The following QTMAN variants were observed in gnomAD, a reference collection of about 807,000 sequenced individuals.
QTMAN encodes tRNA-queuosine alpha-mannosyltransferase.
At chr2:144,032,411 C>T in the QTMAN span, among the ~76,000 whole-genome samples, 4 of 152,304 alleles carry the variant, frequency 2.6e-5, no homozygotes, top group African/African-American at 9.6e-5. Context: ...AATAGTAGTG[C>T]TATTGTTAAG....
chr2:144,064,032 T>A, the QTMAN span, among the ~76,000 whole-genome samples: 2 of 152,200 alleles, frequency 1.3e-5, no homozygotes, highest in Non-Finnish European at 2.9e-5. Context: ...ACTAATTCAG[T>A]AAAAGAGTCC....
At chr2:143,999,267 G>A in the QTMAN span, among the ~76,000 whole-genome samples, 1 of 152,010 alleles carries the variant, frequency 6.6e-6, no homozygotes, top group Non-Finnish European at 1.5e-5. Flanking sequence ...GACATTCACA[G>A]TCAGGGGGAT....
the QTMAN span, among the ~76,000 whole-genome samples, chr2:144,079,803 T>C: frequency 1.3e-5 from 2 of 152,144 alleles, no homozygotes; most frequent in Non-Finnish European, 2.9e-5. Context: ...TAATTGCATA[T>C]TACATAGACT....
the QTMAN span, among the ~76,000 whole-genome samples, chr2:144,090,719 T>A: frequency 6.6e-6 from 1 of 152,156 alleles, no homozygotes; most frequent in South Asian, 2.1e-4. Context: ...TGGAAATATA[T>A]AGTATATTCA....
At chr2:143,997,372 A>G in the QTMAN span, among the ~76,000 whole-genome samples, 1 of 152,164 alleles carries the variant, frequency 6.6e-6, no homozygotes, top group Admixed American at 6.5e-5. Flanking sequence ...CTTTCTGCAA[A>G]TAGAATGTTT....
the QTMAN span, among the ~76,000 whole-genome samples, chr2:144,124,909 T>C: frequency 2.6e-5 from 4 of 152,162 alleles, no homozygotes; most frequent in Admixed American, 2.6e-4. Flanking sequence ...CAATGTTCTT[T>C]TCCCCTAAAC....
At chr2:144,137,231 C>T in the QTMAN span, among the ~76,000 whole-genome samples, 1 of 152,096 alleles carries the variant, frequency 6.6e-6, no homozygotes, top group Non-Finnish European at 1.5e-5. Context: ...TAAAATGAAA[C>T]TTACTGATTA....
chr2:144,005,578 T>C, the QTMAN span, among the ~76,000 whole-genome samples: 6 of 152,258 alleles, frequency 3.9e-5, no homozygotes, highest in East Asian at 1.2e-3. Flanking sequence ...GTTACTTTTA[T>C]ATTTTGGCAT....
At chr2:144,171,858 T>A in the QTMAN span, among the ~76,000 whole-genome samples, 3 of 152,252 alleles carry the variant, frequency 2.0e-5, no homozygotes, top group Admixed American at 2.0e-4. Context: ...AAACTTGGAA[T>A]TTCCTAAAAT....
At chr2:144,216,613 C>T in the QTMAN span, among the ~76,000 whole-genome samples, 75 of 152,148 alleles carry the variant, frequency 4.9e-4, no homozygotes, top group Non-Finnish European at 1.3e-4. Flanking sequence ...CTTTCAAATA[C>T]TGATTCTTTT....
the QTMAN span, chr2:143,947,040 T>C: frequency 2.5e-5 from 39 of 1,584,588 alleles, no homozygotes; most frequent in Non-Finnish European, 3.4e-5. Flanking sequence ...GTTTGTGACT[T>C]AGCCCCATCT....
At chr2:144,187,059 A>G in the QTMAN span, among the ~76,000 whole-genome samples, 1 of 152,350 alleles carries the variant, frequency 6.6e-6, no homozygotes, top group African/African-American at 2.4e-5. Context: ...AAAATATTAT[A>G]TAATAGCAGA....
At chr2:144,309,674 G>C in the QTMAN span, among the ~76,000 whole-genome samples, 1 of 152,200 alleles carries the variant, frequency 6.6e-6, no homozygotes, top group African/African-American at 2.4e-5. Flanking sequence ...CTTGATTGTA[G>C]TAGTAGTTAC....
chr2:143,992,547 T>A, the QTMAN span, among the ~76,000 whole-genome samples: 1 of 151,688 alleles, frequency 6.6e-6, no homozygotes, highest in Non-Finnish European at 1.5e-5. Context: ...AATAAATAAA[T>A]AAATAAATAA....
At chr2:144,121,730 T>C in the QTMAN span, among the ~76,000 whole-genome samples, 1 of 152,220 alleles carries the variant, frequency 6.6e-6, no homozygotes, top group Non-Finnish European at 1.5e-5. Flanking sequence ...TAAGGAAATA[T>C]TTGCGGGGCT....
the QTMAN span, among the ~76,000 whole-genome samples, chr2:144,331,894 G>A: frequency 1.3e-5 from 2 of 152,190 alleles, no homozygotes; most frequent in South Asian, 2.1e-4. Context: ...GGGCGACTAG[G>A]AGCCAGAAGC....
At chr2:144,217,935 T>A in the QTMAN span, among the ~76,000 whole-genome samples, 2 of 152,184 alleles carry the variant, frequency 1.3e-5, no homozygotes, top group Non-Finnish European at 2.9e-5. Context: ...TAGGATATAT[T>A]TATACAAGTA....
chr2:144,244,828 G>A, the QTMAN span, among the ~76,000 whole-genome samples: 1 of 152,016 alleles, frequency 6.6e-6, no homozygotes, highest in Non-Finnish European at 1.5e-5. Context: ...TGATAGGACA[G>A]GTGAGAAATA....
the QTMAN span, among the ~76,000 whole-genome samples, chr2:143,970,144 A>G: frequency 6.6e-6 from 1 of 152,204 alleles, no homozygotes; most frequent in African/African-American, 2.4e-5. Context: ...TGCTGCTATC[A>G]GCTTCCGATT....
Sources: allele counts gnomAD v4.1 joint callset (sites outside exome capture counted in the v4.1 genomes callset), GRCh38; gene constraint gnomAD v4.1.1; transcripts MANE v1.5; gene names NCBI Gene and HGNC (gene_info 2026-07-23, HGNC 2026-07-21).